The following LPA variants were observed in gnomAD, a reference collection of about 807,000 sequenced individuals.
LPA encodes the protein apolipoprotein(a).
In LPA, 199 loss-of-function variants were observed where a neutral mutation model predicts 197.9. The ratio of observed to expected loss-of-function variants is 1.01; its 90% CI spans 0.90 to 1.13. The LOEUF (loss-of-function observed/expected upper bound fraction) is 1.13, where lower values mean the gene tolerates loss of function less well. Ranked by LOEUF, LPA falls within the 50% of genes most tolerant of loss-of-function variation. LPA has a pLI of 0.00. For synonymous variants in LPA, 715 were observed against 639.5 expected, an observed-to-expected ratio of 1.12 and a Z score of -1.78; for missense variants, 1,853 against 1,785.8, an observed-to-expected ratio of 1.04 and a Z score of -0.68.
chr6:160,580,666 T>A (rs1778776823), intron 26 of LPA, among the ~76,000 whole-genome samples: 1 of 152,302 alleles, frequency 6.6e-6, no homozygotes, highest in Non-Finnish European at 1.5e-5. Flanking sequence ...ATGGCTAAGA[T>A]GTTGTGCACT....
intron 20 of LPA, among the ~76,000 whole-genome samples, 199 bp downstream of exon 20, chr6:160,599,301 C>T (rs1485086052): frequency 6.6e-6 from 1 of 152,120 alleles, no homozygotes; most frequent in East Asian, 1.9e-4. Flanking sequence ...CGAGATCATG[C>T]CACTGCACTC....
intron 28 of LPA, among the ~76,000 whole-genome samples, chr6:160,562,858 G>A (rs1778386102): frequency 6.6e-6 from 1 of 152,128 alleles, no homozygotes; most frequent in Non-Finnish European, 1.5e-5. Flanking sequence ...TTTGCATAGA[G>A]GTGTTTAAAG....
chr6:160,634,741 T>C (rs1206274291), intron 7 of LPA, among the ~76,000 whole-genome samples: 1 of 151,844 alleles, frequency 6.6e-6, no homozygotes, highest in African/African-American at 2.4e-5. Context: ...TCTGCAATGC[T>C]GAAGATTGCA....
Position 160,535,175 on chromosome 6 carries a change from A to G in LPA, c.5843-2526T>C, listed in dbSNP as rs568769318. Among the ~76,000 whole-genome samples the G allele has an allele frequency of 4.4e-4, 66 of 150,528 alleles. 1 individual carries two copies. Among genetic ancestry groups the G allele is most frequent in the African/African-American group, 1.6e-3 (63 of 40,430 alleles). ...GTTGATGGTGATTATGATGGTGACG[A>G]TGGTGGTGATAGTGATGGTGGTAGT... On this transcript the variant is annotated intron_variant, in intron 37 of 38. Transcript: ENST00000316300.
At chr6:160,554,980 T>G (rs1200050945) in intron 30 of LPA, among the ~76,000 whole-genome samples, 3 of 152,096 alleles carry the variant, frequency 2.0e-5, no homozygotes, top group Non-Finnish European at 2.9e-5. Flanking sequence ...TTTTCTAAAT[T>G]ATCTCAGTCC....
chr6:160,562,901 A>G (rs946670719), intron 28 of LPA, among the ~76,000 whole-genome samples: 140 of 152,232 alleles, frequency 9.2e-4, no homozygotes, highest in African/African-American at 3.3e-3. Flanking sequence ...TTTCTGTGGC[A>G]TCATTGGTGA....
intron 16 of LPA, among the ~76,000 whole-genome samples, chr6:160,607,981 G>T (rs867089916): frequency 1.3e-5 from 2 of 151,950 alleles, no homozygotes; most frequent in Non-Finnish European, 2.9e-5. Context: ...AACTTACAAT[G>T]GTACACTTCT....
chr6:160,554,557 A>G (rs1778223568), intron 30 of LPA, among the ~76,000 whole-genome samples: 2 of 151,998 alleles, frequency 1.3e-5, no homozygotes, highest in Admixed American at 1.3e-4. Flanking sequence ...TGGGGTCTCT[A>G]CTGAATGCCC....
chr6:160,583,932 G>GT (rs1319285471), intron 26 of LPA, among the ~76,000 whole-genome samples: 5 of 152,248 alleles, frequency 3.3e-5, no homozygotes, highest in Admixed American at 6.5e-5. Flanking sequence ...TGTGCAAACA[G>GT]TTTTTCCATA....
At chr6:160,560,354 G>T (rs1778340326) in intron 28 of LPA, among the ~76,000 whole-genome samples, 1 of 152,164 alleles carries the variant, frequency 6.6e-6, no homozygotes, top group African/African-American at 2.4e-5. Context: ...AGATCCTTGA[G>T]GAATCACCGC....
At chr6:160,634,549 C>G in intron 7 of LPA, among the ~76,000 whole-genome samples, 1 of 142,208 alleles carries the variant, frequency 7.0e-6, no homozygotes. Flanking sequence ...CTCACAGGTA[C>G]AAGTGCCATC....
At chr6:160,579,088 G>C (rs1288760034) in intron 26 of LPA, among the ~76,000 whole-genome samples, 4 of 151,872 alleles carry the variant, frequency 2.6e-5, no homozygotes, top group African/African-American at 9.7e-5. Context: ...AGATATCTCT[G>C]TCTGTCTAGC....
At chr6:160,600,026 G>A (rs1779208186) in intron 19 of LPA, among the ~76,000 whole-genome samples, 1 of 152,202 alleles carries the variant, frequency 6.6e-6, no homozygotes, top group South Asian at 2.1e-4. Context: ...AAGCTGAAAA[G>A]CAAGTCTCCA....
intron 37 of LPA, among the ~76,000 whole-genome samples, chr6:160,534,928 G>C (rs1052921035): frequency 1.3e-5 from 2 of 151,810 alleles, no homozygotes; most frequent in Non-Finnish European, 2.9e-5. Context: ...TGATAGTGAT[G>C]GTGTTAATGA....
intron 1 of LPA, among the ~76,000 whole-genome samples, chr6:160,655,603 C>A (rs754287725): frequency 3.3e-5 from 5 of 152,194 alleles, no homozygotes; most frequent in Non-Finnish European, 7.3e-5. Context: ...AGGGGCCAAA[C>A]GCAGCAAGTT....
chr6:160,654,012 TTA>T lies in LPA; in HGVS notation c.50-3517_50-3516del, dbSNP rs1491561545. ...TAATATATATTATATATAATATATA[TTA>T]TATATAATATATAATATATATTATA... On this transcript the variant is annotated intron_variant, in intron 1 of 38. Coordinates refer to ENST00000316300, the MANE Select transcript of LPA (RefSeq NM_005577.4). Among the ~76,000 whole-genome samples, 4 of 3,816 alleles carry T rather than the reference TTA, an allele frequency of 1.0e-3. 1 individual carries two copies. Among genetic ancestry groups the T allele is most frequent in the African/African-American group, 3.9e-3 (4 of 1,036 alleles). The allele number at this position is 3,816 out of a possible 152,430, so 2.5% of individuals were successfully genotyped here.
chr6:160,600,957 A>G lies in LPA; in HGVS notation c.3087T>C (p.Asn1029=), dbSNP rs773112471. ...CCTCTAGGCTTGGAGCCAGAATAAC[A>G]TTCGGAGGGACGAAGGCAGTCCATT... ...DAEWTAFVPP[N]VILAPSLEAF... is the part of the protein sequence containing the mutation. Residue 1029 remains asparagine, a synonymous_variant, in exon 19 of 39, where the codon AAT becomes AAC. Transcript: ENST00000316300. The G allele has an allele frequency of 1.2e-6, 2 of 1,613,496 alleles. No individual in the cohort carries two copies. Among genetic ancestry groups the G allele is most frequent in the Non-Finnish European group, 1.7e-6 (2 of 1,179,974 alleles).
intron 19 of LPA, 78 bp from the exon 20 acceptor site, chr6:160,599,737 CA>C (rs1562338882): frequency 2.0e-6 from 3 of 1,487,652 alleles, no homozygotes; most frequent in Non-Finnish European, 1.9e-6. Flanking sequence ...TGACATAAAC[CA>C]AAAAAGAGTC....
intron 28 of LPA, among the ~76,000 whole-genome samples, chr6:160,560,996 ACCT>A (rs937012450): frequency 6.6e-6 from 1 of 151,770 alleles, no homozygotes; most frequent in African/African-American, 2.4e-5. Context: ...TGCAAGCTCA[ACCT>A]CCTCAGCTCA....
Sources: allele counts gnomAD v4.1 joint callset (sites outside exome capture counted in the v4.1 genomes callset), GRCh38; gene constraint gnomAD v4.1.1; transcripts MANE v1.5; gene names NCBI Gene and HGNC (gene_info 2026-07-23, HGNC 2026-07-21).